The following GRIN2A variants were observed in gnomAD, a reference collection of about 807,000 sequenced individuals.
GRIN2A encodes glutamate receptor ionotropic, NMDA 2A.
Under a neutral mutation model 113.4 loss-of-function variants are expected in GRIN2A, and 22 were observed. That is an observed-to-expected ratio of 0.19 (90% confidence interval 0.14 to 0.28). The LOEUF (loss-of-function observed/expected upper bound fraction) is 0.28. Among genes scored for constraint, GRIN2A ranks in the 10% least tolerant of loss-of-function variants. The pLI is 1.00. For synonymous variants in GRIN2A, 827 were observed against 738.4 expected (o/e 1.12, Z -1.94); for missense variants, 1,502 against 1,887.0 (o/e 0.80, Z 3.78).
At chr16:9,902,753 T>C (rs890467437) in intron 3 of GRIN2A, among the ~76,000 whole-genome samples, 3 of 152,076 alleles carry the variant, frequency 2.0e-5, no homozygotes, top group African/African-American at 7.2e-5. Flanking sequence ...CATCTTCCCC[T>C]ACTCCCATGA....
chr16:10,156,532 G>A (rs141947022), intron 2 of GRIN2A, among the ~76,000 whole-genome samples: 115 of 152,272 alleles, frequency 7.6e-4, no homozygotes, highest in African/African-American at 2.7e-3. Flanking sequence ...GGCACTGAGG[G>A]GAGGAAGATG....
intron 2 of GRIN2A, among the ~76,000 whole-genome samples, chr16:10,164,266 C>T (rs1397664791): frequency 1.3e-5 from 2 of 152,232 alleles, no homozygotes; most frequent in Admixed American, 1.3e-4. Flanking sequence ...CTGTACAGAA[C>T]CTTCCTTGGT....
chr16:10,063,375 A>G (rs1431253614), intron 2 of GRIN2A, among the ~76,000 whole-genome samples: 1 of 152,194 alleles, frequency 6.6e-6, no homozygotes, highest in Non-Finnish European at 1.5e-5. Flanking sequence ...TTGAAATTAT[A>G]ATTTAAAAAT....
intron 2 of GRIN2A, among the ~76,000 whole-genome samples, chr16:9,989,364 T>A (rs937321171): frequency 6.6e-6 from 1 of 152,142 alleles, no homozygotes; most frequent in Admixed American, 6.5e-5. Context: ...TGGACCCCTA[T>A]CTTTTACTAT....
At chr16:9,830,162 A>G (rs964315658) in intron 8 of GRIN2A, among the ~76,000 whole-genome samples, 2 of 152,230 alleles carry the variant, frequency 1.3e-5, no homozygotes, top group Admixed American at 6.5e-5. Context: ...TGTGTACAAC[A>G]TAAGAATTAA....
intron 2 of GRIN2A, among the ~76,000 whole-genome samples, chr16:10,076,445 G>T (rs144429378): frequency 1.2e-4 from 18 of 152,258 alleles, no homozygotes; most frequent in Non-Finnish European, 2.4e-4. Flanking sequence ...AGCTCAGCAG[G>T]GTTAGGGTCT....
intron 10 of GRIN2A, among the ~76,000 whole-genome samples, chr16:9,816,437 C>A (rs1472520261): frequency 6.6e-6 from 1 of 152,130 alleles, no homozygotes; most frequent in Non-Finnish European, 1.5e-5. Flanking sequence ...ACTGAGGCTT[C>A]TAAGGAAATT....
intron 2 of GRIN2A, among the ~76,000 whole-genome samples, chr16:10,036,204 T>C (rs572155199): frequency 3.3e-5 from 5 of 152,292 alleles, no homozygotes; most frequent in African/African-American, 9.6e-5. Flanking sequence ...TTAGCATTAG[T>C]TCTCTAGAAC....
At chr16:9,915,510 G>C (rs2044231821) in intron 3 of GRIN2A, among the ~76,000 whole-genome samples, 1 of 152,128 alleles carries the variant, frequency 6.6e-6, no homozygotes, top group Admixed American at 6.5e-5. Context: ...CCAATTACTT[G>C]TTTCTACTTA....
chr16:10,002,470 A>G (rs984457579), intron 2 of GRIN2A, among the ~76,000 whole-genome samples: 4 of 152,224 alleles, frequency 2.6e-5, no homozygotes, highest in African/African-American at 4.8e-5. Context: ...TGGAGGCTGA[A>G]TGACCGGTTT....
Position 9,777,570 on chromosome 16 carries a change from T to C in GRIN2A, c.2357-8481A>G, listed in dbSNP as rs372280769. Among the ~76,000 whole-genome samples, 4 of 152,364 alleles carry C rather than the reference T, an allele frequency of 2.6e-5. No individual in the cohort carries two copies. In the East Asian group the frequency reaches 5.8e-4, roughly 22 times the overall value. On this transcript the variant is annotated intron_variant, in intron 11 of 12. Coordinates refer to ENST00000330684, the MANE Select transcript of GRIN2A (RefSeq NM_001134407.3). ...AGGGCTAGGCTTAAATGTATCCAGTTAGAGGCAGGGACAGGCTGTCTTTGG... is the reference window on the plus strand; with the variant it reads ...AGGGCTAGGCTTAAATGTATCCAGTCAGAGGCAGGGACAGGCTGTCTTTGG...
At chr16:9,766,881 G>A (rs1002377443) in intron 12 of GRIN2A, among the ~76,000 whole-genome samples, 1 of 152,318 alleles carries the variant, frequency 6.6e-6, no homozygotes, top group South Asian at 2.1e-4. Flanking sequence ...CCTGCCCTGT[G>A]CTGCCCAGTT....
At chr16:9,884,182 TAAAC>T (rs1012525909) in intron 4 of GRIN2A, among the ~76,000 whole-genome samples, 2 of 152,216 alleles carry the variant, frequency 1.3e-5, no homozygotes, top group East Asian at 1.9e-4. Flanking sequence ...TTTGTTAACT[TAAAC>T]AAATTTTTAA....
Position 9,938,571 on chromosome 16 carries a change from A to G in GRIN2A, c.415-20T>C. On this transcript the variant is annotated intron_variant, in intron 2 of 12. Coordinates refer to ENST00000330684, the MANE Select transcript of GRIN2A (RefSeq NM_001134407.3). ...CGGATCCTGCCAGTGAAAAGAAAGT[A>G]AAACAGAGGATGAGGCAGGAGGTGG... The G allele has an allele frequency of 6.4e-7, 1 of 1,571,632 alleles. No homozygotes were observed. The highest frequency in any genetic ancestry group is 8.7e-7 in the Non-Finnish European group (1 of 1,153,908).
chr16:10,181,612 A>AC (rs1401612275), intron 1 of GRIN2A: 1 of 152,284 alleles, frequency 6.6e-6, no homozygotes, highest in Non-Finnish European at 1.5e-5. Flanking sequence ...ACGGTCGTGC[A>AC]CGCGTGCCCT....
chr16:9,761,026 A>G lies in GRIN2A; in HGVS notation c.*2123T>C. The G allele has an allele frequency of 4.3e-6, 1 of 232,690 alleles. No homozygotes were observed. The highest frequency in any genetic ancestry group is 6.1e-5 in the East Asian group (1 of 16,520). The allele number at this position is 232,690 out of a possible 1,614,324, so 14.4% of individuals were successfully genotyped here. Reference sequence around the variant, plus strand: ...CAGAGGTACAGCATCCGGGAAATAAAATGTCATTTTCAAGCACATGCATCC... The same window carrying G: ...CAGAGGTACAGCATCCGGGAAATAAGATGTCATTTTCAAGCACATGCATCC... On this transcript the variant is annotated 3_prime_UTR_variant, in exon 13 of 13. Coordinates refer to ENST00000330684, the MANE Select transcript of GRIN2A (RefSeq NM_001134407.3).
intron 2 of GRIN2A, among the ~76,000 whole-genome samples, chr16:9,988,169 G>A (rs1278229130): frequency 6.6e-6 from 1 of 152,072 alleles, no homozygotes; most frequent in Non-Finnish European, 1.5e-5. Flanking sequence ...CATCACTACA[G>A]TTGATGTCAG....
chr16:9,989,313 G>A (rs1278468696), intron 2 of GRIN2A, among the ~76,000 whole-genome samples: 1 of 152,122 alleles, frequency 6.6e-6, no homozygotes, highest in Non-Finnish European at 1.5e-5. Flanking sequence ...CCAATAAATG[G>A]TGCTGGGAAA....
At chr16:9,907,635 T>C (rs1596568496) in intron 3 of GRIN2A, among the ~76,000 whole-genome samples, 1 of 152,286 alleles carries the variant, frequency 6.6e-6, no homozygotes, top group East Asian at 1.9e-4. Context: ...AAATTTAAAA[T>C]TTTCATTAAA....
Sources: allele counts gnomAD v4.1 joint callset (sites outside exome capture counted in the v4.1 genomes callset), GRCh38; gene constraint gnomAD v4.1.1; transcripts MANE v1.5; gene names NCBI Gene and HGNC (gene_info 2026-07-23, HGNC 2026-07-21).